EYS: variants seen among roughly 807,000 people sequenced by gnomAD.
The protein encoded by EYS is protein eyes shut homolog.
Under a neutral mutation model 282.1 loss-of-function variants are expected in EYS, and 250 were observed. That is an observed-to-expected ratio of 0.89 (90% CI 0.80 to 0.98). EYS has a LOEUF of 0.98. Among genes scored for constraint, EYS ranks in the 50% least tolerant of loss-of-function variants. The pLI is 0.00. For missense variants in EYS, 4,016 were observed against 3,709.0 expected, an observed-to-expected ratio of 1.08 and a Z score of -2.15; for synonymous variants, 1,355 against 1,282.9, an observed-to-expected ratio of 1.06 and a Z score of -1.20.
intron 31 of EYS, among the ~76,000 whole-genome samples, chr6:64,214,198 C>T (rs961041493): frequency 3.3e-5 from 5 of 152,030 alleles, no homozygotes; most frequent in Non-Finnish European, 5.9e-5. Flanking sequence ...TTATTCTTCT[C>T]GTTGTACAAA....
chr6:64,655,662 A>C (rs561476892), intron 22 of EYS, among the ~76,000 whole-genome samples: 30 of 152,178 alleles, frequency 2.0e-4, no homozygotes, highest in Admixed American at 7.9e-4. Context: ...GTTCTGAACA[A>C]ATATGACTGG....
chr6:64,705,611 A>T (rs1322062064), intron 22 of EYS, among the ~76,000 whole-genome samples: 1 of 151,866 alleles, frequency 6.6e-6, no homozygotes, highest in Non-Finnish European at 1.5e-5. Flanking sequence ...GGTTAAGAAA[A>T]TGTGGCACAT....
At chr6:65,544,715 T>A (rs1032681908) in intron 2 of EYS, among the ~76,000 whole-genome samples, 1 of 152,138 alleles carries the variant, frequency 6.6e-6, no homozygotes, top group African/African-American at 2.4e-5. Flanking sequence ...CTGAGTAAAA[T>A]TTTTAATATA....
At chr6:63,985,621 A>G (rs1342793241) in intron 34 of EYS, among the ~76,000 whole-genome samples, 1 of 151,692 alleles carries the variant, frequency 6.6e-6, no homozygotes, top group Non-Finnish European at 1.5e-5. Flanking sequence ...GGTAATATTC[A>G]CTTCCTTAAT....
At chr6:64,679,774 G>A (rs1451945854) in intron 22 of EYS, among the ~76,000 whole-genome samples, 3 of 151,972 alleles carry the variant, frequency 2.0e-5, no homozygotes, top group Admixed American at 6.6e-5. Context: ...TCTTTATTAT[G>A]AGTGAGATAA....
intron 22 of EYS, among the ~76,000 whole-genome samples, chr6:64,683,997 G>A (rs186714280): frequency 1.5e-3 from 230 of 152,218 alleles, no homozygotes; most frequent in African/African-American, 4.9e-3. Flanking sequence ...GCTGGTGTCC[G>A]CCTCCGCAGG....
At chr6:65,625,640 A>G (rs750559511) in intron 2 of EYS, among the ~76,000 whole-genome samples, 1 of 152,168 alleles carries the variant, frequency 6.6e-6, no homozygotes, top group Admixed American at 6.5e-5. Context: ...TTCTATTTTT[A>G]TGTTTACTGA....
At chr6:65,143,534 G>T (rs1040917244) in intron 12 of EYS, among the ~76,000 whole-genome samples, 3 of 152,040 alleles carry the variant, frequency 2.0e-5, no homozygotes, top group Admixed American at 2.0e-4. Context: ...ACACACTGTT[G>T]GGATTTGTAT....
chr6:63,871,820 GGAA>G (rs1437078714), intron 35 of EYS, among the ~76,000 whole-genome samples: 1 of 152,152 alleles, frequency 6.6e-6, no homozygotes, highest in Non-Finnish European at 1.5e-5. Flanking sequence ...GGACACTGAA[GGAA>G]GAAGAGGTTC....
chr6:64,749,942 C>T (rs934649143), intron 22 of EYS, among the ~76,000 whole-genome samples: 10 of 151,838 alleles, frequency 6.6e-5, no homozygotes, highest in Admixed American at 1.3e-4. Context: ...TAATTCATTA[C>T]TTATATCTTT....
intron 11 of EYS, among the ~76,000 whole-genome samples, chr6:65,300,316 T>G (rs1311255884): frequency 6.6e-6 from 1 of 152,150 alleles, no homozygotes; most frequent in East Asian, 1.9e-4. Flanking sequence ...TTTCCTAAAT[T>G]CCTCATCTTT....
intron 28 of EYS, among the ~76,000 whole-genome samples, chr6:64,396,000 C>G (rs568946870): frequency 5.1e-4 from 77 of 151,884 alleles, no homozygotes; most frequent in Non-Finnish European, 6.3e-4. Context: ...GTAACCACTA[C>G]CCAGGACAAA....
At chr6:64,447,973 T>A (rs951776733) in intron 26 of EYS, among the ~76,000 whole-genome samples, 1 of 152,210 alleles carries the variant, frequency 6.6e-6, no homozygotes, top group Non-Finnish European at 1.5e-5. Context: ...ATCATGCCAC[T>A]TCCCTGATTA....
Position 65,358,298 on chromosome 6 carries a change from T to C in EYS, c.1300-4681A>G, listed in dbSNP as rs544572532. 1.8e-4 allele frequency among the ~76,000 whole-genome samples: 28 copies of C among 152,092 alleles called. 1 individual carries two copies. In the South Asian group the frequency reaches 5.4e-3, roughly 29 times the overall value. ...GGAATTTATATCAAAATTTATACAC[T>C]TCAAACTTTACCTCTGAAATAGAAG... On this transcript the variant is annotated intron_variant, in intron 8 of 42. Coordinates refer to ENST00000503581, the MANE Select transcript of EYS (RefSeq NM_001142800.2).
At chr6:64,543,869 A>G (rs1409631552) in intron 26 of EYS, among the ~76,000 whole-genome samples, 1 of 152,164 alleles carries the variant, frequency 6.6e-6, no homozygotes, top group South Asian at 2.1e-4. Flanking sequence ...AGGCTAAGAG[A>G]TCTTAAGGTA....
chr6:64,346,202 G>A (rs1401740783), intron 29 of EYS, among the ~76,000 whole-genome samples: 1 of 152,034 alleles, frequency 6.6e-6, no homozygotes, highest in East Asian at 1.9e-4. Context: ...CCATTACTGG[G>A]TATCTACCCA....
chr6:64,032,832 C>T (rs1769919717), intron 33 of EYS, among the ~76,000 whole-genome samples: 1 of 152,196 alleles, frequency 6.6e-6, no homozygotes, highest in Non-Finnish European at 1.5e-5. Context: ...AGCCATGCCA[C>T]CCTTCTAGCA....
chr6:64,841,649 G>T (rs985184825), intron 19 of EYS, among the ~76,000 whole-genome samples: 3 of 152,120 alleles, frequency 2.0e-5, no homozygotes, highest in African/African-American at 7.2e-5. Flanking sequence ...GAAGTGATAT[G>T]CTGGGTCCAG....
At chr6:64,680,757 GT>G (rs2149904025) in intron 22 of EYS, among the ~76,000 whole-genome samples, 1 of 152,272 alleles carries the variant, frequency 6.6e-6, no homozygotes, top group Admixed American at 6.5e-5. Context: ...TACTGTGGGG[GT>G]TTCACATGCA....
Sources: allele counts gnomAD v4.1 joint callset (sites outside exome capture counted in the v4.1 genomes callset), GRCh38; gene constraint gnomAD v4.1.1; transcripts MANE v1.5; gene names NCBI Gene and HGNC (gene_info 2026-07-23, HGNC 2026-07-21).